JAKMIP3: variants seen among roughly 807,000 people sequenced by gnomAD.
The protein encoded by JAKMIP3 is Janus kinase and microtubule interacting protein 3, also known as janus kinase and microtubule-interacting protein 3.
In JAKMIP3, 58 loss-of-function variants were observed where a neutral mutation model predicts 118.5. The ratio of observed to expected loss-of-function variants is 0.49; its 90% CI spans 0.40 to 0.61. The LOEUF (loss-of-function observed/expected upper bound fraction) is 0.61, where lower values mean the gene tolerates loss of function less well. Ranked by LOEUF, JAKMIP3 falls within the 20% of genes least tolerant of loss-of-function variation. The pLI is 0.00. For missense variants in JAKMIP3, 950 were observed against 1,109.0 expected, an observed-to-expected ratio of 0.86 and a Z score of 2.04; for synonymous variants, 486 against 451.2, an observed-to-expected ratio of 1.08 and a Z score of -0.98.
In JAKMIP3 at chr10:132,155,065, T is replaced by C. The variant is rs556880388; in HGVS notation, c.2220+1075T>C. ...GATCATGATGACATGGTGGTAGTAG[T>C]GGTAATGGTGATGCTGCTGGAGGTA... On this transcript the variant is annotated intron_variant, in intron 19 of 23. Coordinates refer to ENST00000684848, the MANE Select transcript of JAKMIP3 (RefSeq NM_001323087.2). 7.0e-4 allele frequency among the ~76,000 whole-genome samples: 3 copies of C among 4,268 alleles called. No individual in the cohort carries two copies. In the East Asian group the frequency reaches 0.017, roughly 25 times the overall value. The allele number at this position is 4,268 out of a possible 152,430, so 2.8% of individuals were successfully genotyped here.
intron 1 of JAKMIP3, among the ~76,000 whole-genome samples, chr10:132,073,340 C>T (rs536087039): frequency 4.6e-5 from 7 of 152,204 alleles, no homozygotes; most frequent in East Asian, 3.9e-4. Flanking sequence ...CGCCTGCCAC[C>T]GGGCCTGGCT....
Position 132,044,661 on chromosome 10 carries a change from G to A in JAKMIP3, c.-138+7923G>A, listed in dbSNP as rs79541272. Reference sequence around the variant, plus strand: ...ACCACATGCTGCGCTCAGGATGGAGGTTTTGTTTTAAATTGTGGCGAAATA... The same window carrying A: ...ACCACATGCTGCGCTCAGGATGGAGATTTTGTTTTAAATTGTGGCGAAATA... On this transcript the variant is annotated intron_variant, in intron 1 of 23. Coordinates refer to the JAKMIP3 transcript ENST00000657785. This position sits in a 1 kb window ranked among gnomAD's most constrained non-coding sequence, Gnocchi z 5.3. 0.14 allele frequency among the ~76,000 whole-genome samples: 21,525 copies of A among 152,076 alleles called. 1,625 individuals carry two copies. The highest frequency in any genetic ancestry group is 0.16 in the African/African-American group (6,722 of 41,464).
intron 2 of JAKMIP3, among the ~76,000 whole-genome samples, chr10:132,108,039 T>G (rs1179269661): frequency 6.6e-6 from 1 of 152,186 alleles, no homozygotes; most frequent in East Asian, 1.9e-4. Flanking sequence ...CTTACACTGG[T>G]GGGAAGGTGC....
Position 132,181,795 on chromosome 10 carries a change from TC to T in JAKMIP3, c.*1104-561del, listed in dbSNP as rs1467367818. On this transcript the variant is annotated intron_variant, in intron 23 of 23. Coordinates refer to ENST00000684848, the MANE Select transcript of JAKMIP3 (RefSeq NM_001323087.2). ...TGTCTCTACGGCCGGGCCCTCTGCC[TC>T]TGTCCCAGCGTGCCCTCACTCCCGC... is the stretch of plus-strand genomic sequence containing the variant. Among the ~76,000 whole-genome samples the T allele has an allele frequency of 4.7e-3, 651 of 139,690 alleles. 4 individuals carry two copies. Among genetic ancestry groups the T allele is most frequent in the African/African-American group, 0.018 (619 of 34,550 alleles). The allele number at this position is 139,690 out of a possible 152,430, so 91.6% of individuals were successfully genotyped here.
intron 1 of JAKMIP3, among the ~76,000 whole-genome samples, chr10:132,036,839 G>A (rs1471394038): frequency 6.6e-6 from 1 of 151,846 alleles, no homozygotes; most frequent in African/African-American, 2.4e-5. Flanking sequence ...GCCGTGGGGC[G>A]GGCGGGGGGC....
intron 10 of JAKMIP3, 25 bp from the exon 11 acceptor site, chr10:132,141,895 G>A (rs202051788): frequency 9.4e-5 from 149 of 1,584,042 alleles, no homozygotes; most frequent in African/African-American, 4.8e-4. Context: ...GTCTCTGTGC[G>A]TGTGTGGCAT....
intron 1 of JAKMIP3, among the ~76,000 whole-genome samples, chr10:132,056,953 GC>G (rs2038253880): frequency 6.6e-6 from 1 of 152,176 alleles, no homozygotes; most frequent in South Asian, 2.1e-4. Context: ...TCCAGGTCCT[GC>G]CCTGGGGTCC....
chr10:132,069,637 T>C (rs2039503717), intron 1 of JAKMIP3, among the ~76,000 whole-genome samples: 1 of 152,142 alleles, frequency 6.6e-6, no homozygotes, highest in South Asian at 2.1e-4. Flanking sequence ...CCATGTCCAT[T>C]TCAGAGTTTC....
intron 6 of JAKMIP3, among the ~76,000 whole-genome samples, chr10:132,136,668 C>G (rs1409924188): frequency 6.6e-6 from 1 of 152,204 alleles, no homozygotes; most frequent in Admixed American, 6.5e-5. Context: ...GAATTAGAGT[C>G]AGGAGGGATT....
At position 132,048,286 on chromosome 10, in the gene JAKMIP3, AGGGCCTGCTTCTT is replaced by A. The variant is rs140121417; in HGVS notation, c.-138+11556_-138+11568del. 4.2e-3 allele frequency among the ~76,000 whole-genome samples: 638 copies of A among 152,280 alleles called. 2 individuals carry two copies. Among genetic ancestry groups the A allele is most frequent in the African/African-American group, 0.015 (614 of 41,548 alleles). The stretch of plus-strand genomic sequence containing the variant: ...TCCGAGCGCTGCTTTGAGACTGTGC[AGGGCCTGCTTCTT>A]GGGCCTGGTTCTTGAGTCTCTGCTC... On this transcript the variant is annotated intron_variant, in intron 1 of 23. Transcript: ENST00000657785.
chr10:132,104,053 A>AGG (rs2045527108), intron 1 of JAKMIP3, among the ~76,000 whole-genome samples: 1 of 152,158 alleles, frequency 6.6e-6, no homozygotes, highest in African/African-American at 2.4e-5. Context: ...CGTGTGTCCG[A>AGG]ATCTCCCTCC....
chr10:132,182,005 C>A (rs2061538110), intron 23 of JAKMIP3, among the ~76,000 whole-genome samples: 1 of 152,212 alleles, frequency 6.6e-6, no homozygotes, highest in South Asian at 2.1e-4. Flanking sequence ...TAGCAGAGGC[C>A]CACTTTCTAA....
chr10:132,166,705 G>A (rs1315795136), intron 21 of JAKMIP3, among the ~76,000 whole-genome samples: 1 of 152,202 alleles, frequency 6.6e-6, no homozygotes, highest in African/African-American at 2.4e-5. Context: ...TTGTGGTGCT[G>A]GGGACACGCT....
intron 21 of JAKMIP3, among the ~76,000 whole-genome samples, chr10:132,165,460 A>G (rs966028758): frequency 1.3e-4 from 20 of 152,188 alleles, no homozygotes; most frequent in African/African-American, 4.8e-4. Context: ...CCCCCAGCTC[A>G]GAGTGAGACT....
Position 132,168,342 on chromosome 10 carries a change from T to C in JAKMIP3, c.*412T>C. 7.8e-7 allele frequency: 1 copy of C among 1,289,378 alleles called. No homozygotes were observed. The highest frequency in any genetic ancestry group is 1.0e-6 in the Non-Finnish European group (1 of 988,818). 79.9% of individuals were successfully genotyped at this position (1,289,378 alleles called of 1,614,324 possible). On this transcript the variant is annotated 3_prime_UTR_variant, in exon 23 of 24. Coordinates refer to ENST00000684848, the MANE Select transcript of JAKMIP3 (RefSeq NM_001323087.2). ...CCTCTCTCTTGGTTCTCACAGTAGC[T>C]GCCACTGGTGTCTGGAGGAAGATTT...
At chr10:132,180,598 C>CGT (rs1197889748) in intron 23 of JAKMIP3, among the ~76,000 whole-genome samples, 197 of 7,360 alleles carry the variant, frequency 0.027, 30 homozygotes, top group African/African-American at 0.066. Context: ...TGTGTGTGTG[C>CGT]GTGCGCGTGT....
chr10:132,159,752 C>G (rs1175690185), intron 19 of JAKMIP3, among the ~76,000 whole-genome samples: 7 of 51,202 alleles, frequency 1.4e-4, no homozygotes, highest in African/African-American at 5.2e-4. Context: ...CTGGGGGGGC[C>G]TCTTCCTGTG....
intron 19 of JAKMIP3, among the ~76,000 whole-genome samples, chr10:132,158,209 C>T (rs1004034465): frequency 6.6e-6 from 1 of 152,064 alleles, no homozygotes; most frequent in Admixed American, 6.5e-5. Flanking sequence ...TCCCAGAATC[C>T]CTCCACTGGG....
chr10:132,051,364 G>A (rs1366554902), intron 1 of JAKMIP3, among the ~76,000 whole-genome samples: 1 of 136,606 alleles, frequency 7.3e-6, no homozygotes, highest in South Asian at 2.5e-4. Context: ...TTCTGGTTGG[G>A]GGGTACCTGC....
Sources: allele counts gnomAD v4.1 joint callset (sites outside exome capture counted in the v4.1 genomes callset), GRCh38; gene constraint gnomAD v4.1.1; non-coding constraint Gnocchi (gnomAD v3.1); transcripts MANE v1.5; gene names NCBI Gene and HGNC (gene_info 2026-07-23, HGNC 2026-07-21).